Variants in PTK2 observed in about 807,000 individuals in gnomAD.
PTK2 encodes the protein focal adhesion kinase 1.
In PTK2, 45 loss-of-function variants were observed where a neutral mutation model predicts 150.1. That is an observed-to-expected ratio of 0.30 (90% CI 0.24 to 0.38). The LOEUF (loss-of-function observed/expected upper bound fraction) is 0.38, where lower values mean the gene tolerates loss of function less well. Among genes scored for constraint, PTK2 ranks in the 10% least tolerant of loss-of-function variants. PTK2 has a pLI of 1.00. For missense variants in PTK2, 919 were observed against 1,307.3 expected (o/e 0.70, Z 4.58); for synonymous variants, 432 against 449.2 (o/e 0.96, Z 0.48).
Position 140,732,410 on chromosome 8 carries a change from A to G in PTK2, c.2030+2841T>C, listed in dbSNP as rs114637211. Among the ~76,000 whole-genome samples, 681 of 152,342 alleles carry G rather than the reference A, an allele frequency of 4.5e-3. 4 individuals carry two copies. Among genetic ancestry groups the G allele is most frequent in the African/African-American group, 0.016 (646 of 41,580 alleles). ...AGTAATTATATGTAGTTCTAAAAATATGTATTGGATACTTTTTGGAGATAA... is the reference window on the plus strand; with the variant it reads ...AGTAATTATATGTAGTTCTAAAAATGTGTATTGGATACTTTTTGGAGATAA... On this transcript the variant is annotated intron_variant, in intron 22 of 31. Transcript: ENST00000522684.
chr8:140,703,912 C>T (rs2100032222), intron 24 of PTK2, among the ~76,000 whole-genome samples: 1 of 152,074 alleles, frequency 6.6e-6, no homozygotes, highest in Non-Finnish European at 1.5e-5. Context: ...CAGCCAAAAC[C>T]GTATTTCCAA....
At chr8:140,871,207 C>A (rs1030258354) in intron 4 of PTK2, among the ~76,000 whole-genome samples, 1 of 151,956 alleles carries the variant, frequency 6.6e-6, no homozygotes, top group Non-Finnish European at 1.5e-5. Flanking sequence ...AATCTGAAAA[C>A]AAAATTTTCT....
At chr8:140,892,490 C>G (rs1339448544) in intron 2 of PTK2, 1 of 296,624 alleles carries the variant, frequency 3.4e-6, no homozygotes, top group Non-Finnish European at 6.6e-6. Context: ...GAGCCGAGAT[C>G]GTGCCACTGC....
intron 5 of PTK2, among the ~76,000 whole-genome samples, chr8:140,855,418 A>G (rs2100131939): frequency 1.3e-5 from 2 of 152,034 alleles, no homozygotes; most frequent in Non-Finnish European, 2.9e-5. Context: ...ACATGCTGAA[A>G]CCCCATCTCT....
At chr8:140,950,594 A>G (rs994466634) in intron 1 of PTK2, among the ~76,000 whole-genome samples, 1 of 152,194 alleles carries the variant, frequency 6.6e-6, no homozygotes, top group Non-Finnish European at 1.5e-5. Flanking sequence ...AGCCAAGCAC[A>G]GCATGCCAAG....
chr8:140,894,861 T>C (rs889533504), intron 2 of PTK2, among the ~76,000 whole-genome samples: 6 of 152,190 alleles, frequency 3.9e-5, no homozygotes, highest in East Asian at 1.9e-4. Flanking sequence ...TGGTACGCTA[T>C]AGAAGATCTG....
intron 1 of PTK2, chr8:140,948,613 A>T (rs2100178480): frequency 6.6e-6 from 1 of 152,214 alleles, no homozygotes; most frequent in Non-Finnish European, 1.5e-5. Context: ...CAAATCAGAA[A>T]ATCAACAGGT....
At chr8:140,979,228 T>A (rs2100190491) in intron 1 of PTK2, among the ~76,000 whole-genome samples, 1 of 151,462 alleles carries the variant, frequency 6.6e-6, no homozygotes, top group Non-Finnish European at 1.5e-5. Context: ...ACCTGCACGT[T>A]GTGCACATGT....
chr8:140,700,798 T>C, intron 26 of PTK2, 93 bp downstream of exon 29: 1 of 1,483,842 alleles, frequency 6.7e-7, no homozygotes, highest in Admixed American at 2.0e-5. Flanking sequence ...CTAACTCTCC[T>C]GCTTTGAAAG....
At chr8:140,946,575 A>T (rs575451628) in intron 1 of PTK2, among the ~76,000 whole-genome samples, 1 of 152,330 alleles carries the variant, frequency 6.6e-6, no homozygotes, top group African/African-American at 2.4e-5. Context: ...TGGGAAGCAG[A>T]TGGAAGACCG....
intron 14 of PTK2, among the ~76,000 whole-genome samples, chr8:140,777,377 C>A (rs1463394989): frequency 1.3e-5 from 2 of 152,164 alleles, no homozygotes; most frequent in Admixed American, 1.3e-4. Flanking sequence ...CCACATACTT[C>A]AAAGGACCAG....
intron 1 of PTK2, among the ~76,000 whole-genome samples, chr8:140,975,855 G>A (rs2100189092): frequency 6.6e-6 from 1 of 152,110 alleles, no homozygotes; most frequent in African/African-American, 2.4e-5. Context: ...ATACCTTCAG[G>A]GCTTAATACC....
intron 19 of PTK2, among the ~76,000 whole-genome samples, chr8:140,743,656 T>C (rs569636606): frequency 4.7e-4 from 71 of 152,256 alleles, no homozygotes; most frequent in African/African-American, 1.6e-3. Context: ...GACAGTGATA[T>C]ACAACTGGGG....
chr8:140,668,562 T>C (rs945904775), intron 29 of PTK2, 138 bp from the exon 34 acceptor site: 2 of 952,452 alleles, frequency 2.1e-6, no homozygotes, highest in Non-Finnish European at 1.5e-6. Context: ...GTGCGGGATA[T>C]AGTTCAGATT....
At chr8:140,815,675 C>T (rs904271644) in intron 10 of PTK2, among the ~76,000 whole-genome samples, 5 of 151,914 alleles carry the variant, frequency 3.3e-5, no homozygotes, top group African/African-American at 1.2e-4. Flanking sequence ...ATTAATCTCA[C>T]AAATAGTTGC....
At chr8:140,921,108 C>G in intron 2 of PTK2, 1 of 1,295,990 alleles carries the variant, frequency 7.7e-7, no homozygotes, top group Non-Finnish European at 9.7e-7. Flanking sequence ...CTCTCAGTTA[C>G]AGAATCTTCT....
chr8:140,747,604 G>T (rs1481207506), intron 17 of PTK2, among the ~76,000 whole-genome samples: 1 of 91,426 alleles, frequency 1.1e-5, no homozygotes, highest in African/African-American at 4.5e-5. Flanking sequence ...GGAGAAGGAA[G>T]GGGAGGCTGA....
chr8:140,927,973 A>ATATATATATATATATATAT (rs1257108435), intron 1 of PTK2, among the ~76,000 whole-genome samples: 1 of 72,946 alleles, frequency 1.4e-5, no homozygotes, highest in African/African-American at 5.9e-5. Context: ...AAAAAAAAAA[A>ATATATATATATATATATAT]AAATATATAT....
At chr8:140,964,247 G>C (rs936485848) in intron 1 of PTK2, among the ~76,000 whole-genome samples, 1 of 152,172 alleles carries the variant, frequency 6.6e-6, no homozygotes, top group Non-Finnish European at 1.5e-5. Context: ...TTTTTTAAGA[G>C]ACAGGGTCTT....
Sources: allele counts gnomAD v4.1 joint callset (sites outside exome capture counted in the v4.1 genomes callset), GRCh38; gene constraint gnomAD v4.1.1; transcripts MANE v1.5; gene names NCBI Gene and HGNC (gene_info 2026-07-23, HGNC 2026-07-21).